Variants in DPP6 observed in about 807,000 individuals in gnomAD.
DPP6 encodes dipeptidyl peptidase like 6.
A neutral mutation model predicts 122.6 loss-of-function variants in DPP6; 69 were observed. That is an observed-to-expected ratio of 0.56 (90% CI 0.46 to 0.69). DPP6 has a LOEUF of 0.69. Among genes scored for constraint, DPP6 ranks in the 30% least tolerant of loss-of-function variants. The pLI is 0.00. For synonymous variants in DPP6, 418 were observed against 433.1 expected (o/e 0.97, Z 0.43); for missense variants, 928 against 1,116.9 (o/e 0.83, Z 2.41).
intron 1 of DPP6, among the ~76,000 whole-genome samples, chr7:154,080,746 T>G (rs1056948249): frequency 6.6e-6 from 1 of 150,944 alleles, no homozygotes; most frequent in African/African-American, 2.4e-5. Context: ...TCTCAATACC[T>G]GTGATTGAAA....
At chr7:154,078,923 G>A (rs1162461956) in intron 1 of DPP6, among the ~76,000 whole-genome samples, 9 of 128,150 alleles carry the variant, frequency 7.0e-5, no homozygotes, top group Non-Finnish European at 1.4e-4. Context: ...GTATCTCAAA[G>A]GAAGTGAAAA....
chr7:153,754,897 TG>T, the DPP6 span, among the ~76,000 whole-genome samples: 3 of 151,314 alleles, frequency 2.0e-5, no homozygotes, highest in Admixed American at 6.6e-5. Context: ...CTGCTTGGAT[TG>T]TTTTTTTTTT....
intron 1 of DPP6, among the ~76,000 whole-genome samples, chr7:154,283,528 A>C (rs1351901282): frequency 6.6e-6 from 1 of 152,216 alleles, no homozygotes; most frequent in African/African-American, 2.4e-5. Context: ...TCCGAGGCTC[A>C]TGGGGTACAC....
rs575158783 is a variant in DPP6, at chr7:154,836,066, C to A, written c.1667-17714C>A. Among the ~76,000 whole-genome samples, 18 of 152,366 alleles carry A rather than the reference C, an allele frequency of 1.2e-4. No homozygotes were observed. In the South Asian group the frequency reaches 1.4e-3, roughly 12 times the overall value. ...GGAATGTTCCTCCGAGGCTCCCAAA[C>A]CTTCCGCTCATTTCTGATGCACCAA... On this transcript the variant is annotated intron_variant, in intron 16 of 25. Transcript: ENST00000377770.
At chr7:154,669,843 G>GTTT (rs60268123) in intron 7 of DPP6, among the ~76,000 whole-genome samples, 5 of 150,244 alleles carry the variant, frequency 3.3e-5, no homozygotes, top group African/African-American at 1.2e-4. Context: ...CCTGTGGAGG[G>GTTT]TTTTTTTTTG....
At chr7:154,892,294 G>C (rs1301543249) in intron 25 of DPP6, 40 bp from the exon 26 acceptor site, 1 of 1,613,582 alleles carries the variant, frequency 6.2e-7, no homozygotes, top group Admixed American at 1.7e-5. Context: ...CCTGGGGAGC[G>C]TATACCTGGG....
chr7:154,495,090 TTCTC>T (rs1320614466), intron 3 of DPP6, among the ~76,000 whole-genome samples: 1 of 152,190 alleles, frequency 6.6e-6, no homozygotes, highest in African/African-American at 2.4e-5. Flanking sequence ...AGCAGGGAAT[TTCTC>T]TAAATATTGC....
intron 1 of DPP6, among the ~76,000 whole-genome samples, chr7:154,216,384 G>A (rs1457281036): frequency 6.6e-6 from 1 of 152,194 alleles, no homozygotes; most frequent in African/African-American, 2.4e-5. Context: ...ATAATCAAGG[G>A]TGTGGTCATG....
intron 1 of DPP6, among the ~76,000 whole-genome samples, chr7:154,018,338 G>T (rs1394799957): frequency 6.6e-6 from 1 of 152,070 alleles, no homozygotes; most frequent in Non-Finnish European, 1.5e-5. Flanking sequence ...ATGGCTGCTG[G>T]TGTAAAAAGC....
In DPP6 at chr7:153,952,445, A is replaced by G. The variant is rs970763323; in HGVS notation, c.51+64711A>G. On this transcript the variant is annotated intron_variant, in intron 1 of 25. Coordinates refer to the DPP6 transcript ENST00000404039. ...AAATCTCACTCAGATTCAAATCCAG[A>G]TTTTAATTCTATCAAGTATATGCAA... Among the ~76,000 whole-genome samples the G allele has an allele frequency of 2.6e-5, 4 of 152,344 alleles. 1 individual carries two copies. The highest frequency in any genetic ancestry group is 2.0e-4 in the Admixed American group (3 of 15,298).
At chr7:154,716,708 T>C (rs1411458887) in intron 7 of DPP6, among the ~76,000 whole-genome samples, 4 of 149,686 alleles carry the variant, frequency 2.7e-5, no homozygotes, top group Non-Finnish European at 5.9e-5. Flanking sequence ...TTTTTTCTCC[T>C]GAATGGTTTT....
chr7:154,323,925 G>A (rs746700555), intron 1 of DPP6, among the ~76,000 whole-genome samples: 9 of 152,200 alleles, frequency 5.9e-5, no homozygotes, highest in Non-Finnish European at 8.8e-5. Flanking sequence ...CTAATGAGAG[G>A]TACAAGTGAG....
At chr7:154,365,270 AG>A in intron 1 of DPP6, among the ~76,000 whole-genome samples, 2 of 152,258 alleles carry the variant, frequency 1.3e-5, no homozygotes, top group Non-Finnish European at 2.9e-5. Flanking sequence ...TCCCCCAAAA[AG>A]AAAAGTAGAA....
At chr7:154,794,020 C>G (rs1797851173) in intron 10 of DPP6, 59 bp from the exon 11 acceptor site, 2 of 1,580,052 alleles carry the variant, frequency 1.3e-6, no homozygotes, top group Middle Eastern at 1.7e-4. Flanking sequence ...CGGCGGTCCC[C>G]TGGCTTCTGT....
intron 1 of DPP6, among the ~76,000 whole-genome samples, chr7:154,168,742 A>G (rs1193215324): frequency 6.6e-6 from 1 of 152,226 alleles, no homozygotes; most frequent in Non-Finnish European, 1.5e-5. Flanking sequence ...GACTTGTCAA[A>G]GGGATGGGAA....
At chr7:154,541,703 C>T (rs146537374) in intron 4 of DPP6, among the ~76,000 whole-genome samples, 112 of 152,218 alleles carry the variant, frequency 7.4e-4, no homozygotes, top group South Asian at 2.5e-3. Context: ...CTGTGAATCC[C>T]GTTAAAGCGA....
chr7:153,974,375 T>C (rs1400886524), intron 1 of DPP6, among the ~76,000 whole-genome samples: 1 of 152,160 alleles, frequency 6.6e-6, no homozygotes, highest in South Asian at 2.1e-4. Context: ...AGAGATTTAG[T>C]TCCTAATGAA....
At chr7:154,015,888 C>G (rs1000259336) in intron 1 of DPP6, among the ~76,000 whole-genome samples, 1 of 152,122 alleles carries the variant, frequency 6.6e-6, no homozygotes, top group East Asian at 1.9e-4. Flanking sequence ...TCCATCACCC[C>G]CTGGAGTACC....
Position 154,204,839 on chromosome 7 carries a change from C to T in DPP6, c.243+151776C>T, listed in dbSNP as rs1223107163. Among the ~76,000 whole-genome samples, 9 of 151,496 alleles carry T rather than the reference C, an allele frequency of 5.9e-5. No homozygotes were observed. In the East Asian group the frequency reaches 7.8e-4, roughly 13 times the overall value. ...TATGTGTACCTGCATGTGTTTATAC[C>T]GTATATATGGATATATGTGTACTCC... On this transcript the variant is annotated intron_variant, in intron 1 of 25. Coordinates refer to ENST00000377770, the MANE Select transcript of DPP6 (RefSeq NM_130797.4).
Sources: gnomAD v4.1 joint callset for allele counts (sites outside exome capture counted in the v4.1 genomes callset) on GRCh38, gnomAD v4.1.1 for gene constraint, MANE v1.5 for transcripts, NCBI Gene and HGNC (gene_info 2026-07-23, HGNC 2026-07-21) for gene names.